Variants in NTM observed in about 807,000 individuals in gnomAD.
NTM encodes the protein neurotrimin.
A neutral mutation model predicts 42.1 loss-of-function variants in NTM; 13 were observed. The observed-to-expected ratio is 0.31, with a 90% CI of 0.20 to 0.49. The LOEUF (loss-of-function observed/expected upper bound fraction) is 0.49, where lower values mean the gene tolerates loss of function less well. NTM is among the 20% of genes least tolerant of loss of function. The pLI, the probability that NTM is intolerant of heterozygous loss-of-function variation, is 0.99. For synonymous variants in NTM, 187 were observed against 179.2 expected (o/e 1.04, Z -0.35); for missense variants, 373 against 452.8 (o/e 0.82, Z 1.60).
chr11:131,394,184 G>T (rs1944315137), intron 1 of NTM, among the ~76,000 whole-genome samples: 1 of 152,194 alleles, frequency 6.6e-6, no homozygotes, highest in Non-Finnish European at 1.5e-5. Context: ...ACATCGTCCA[G>T]AAGTGTCCAT....
intron 1 of NTM, among the ~76,000 whole-genome samples, chr11:131,673,543 A>G (rs1180829018): frequency 1.3e-5 from 2 of 152,138 alleles, no homozygotes; most frequent in African/African-American, 4.8e-5. Context: ...CTCTGGACAA[A>G]GCTTGCATTT....
intron 1 of NTM, among the ~76,000 whole-genome samples, chr11:131,512,570 C>A (rs902263126): frequency 5.9e-5 from 9 of 152,228 alleles, no homozygotes; most frequent in African/African-American, 2.2e-4. Flanking sequence ...TCCCTCTCTA[C>A]TGCCCTCAGT....
chr11:131,433,149 G>A (rs951165850), intron 1 of NTM, among the ~76,000 whole-genome samples: 7 of 152,026 alleles, frequency 4.6e-5, no homozygotes, highest in African/African-American at 1.7e-4. Context: ...GAGCCACTGC[G>A]CCCAGCCTAG....
At chr11:131,792,156 A>C (rs1288404233) in intron 1 of NTM, among the ~76,000 whole-genome samples, 4 of 152,208 alleles carry the variant, frequency 2.6e-5, no homozygotes, top group Non-Finnish European at 4.4e-5. Context: ...AACCATACCC[A>C]GCATATCCTA....
chr11:131,722,411 A>G (rs922211364), intron 1 of NTM, among the ~76,000 whole-genome samples: 3 of 152,198 alleles, frequency 2.0e-5, no homozygotes, highest in African/African-American at 7.2e-5. Flanking sequence ...GACTGCTTTC[A>G]TATGAACTCG....
intron 4 of NTM, 40 bp downstream of exon 4, chr11:132,212,187 TG>T (rs763126430): frequency 1.9e-6 from 3 of 1,583,760 alleles, no homozygotes; most frequent in Non-Finnish European, 2.6e-6. Context: ...TGAGGATAAA[TG>T]GGGGAATTTT....
At chr11:132,041,642 T>C (rs11222882) in intron 2 of NTM, among the ~76,000 whole-genome samples, 9,733 of 152,306 alleles carry the variant, frequency 0.064, 369 homozygotes, top group South Asian at 0.17. Flanking sequence ...TTCTTCTCTC[T>C]CCACGGTAAA....
rs572595699 is a variant in NTM, at chr11:131,678,695, G to T, written c.83-232869G>T. On this transcript the variant is annotated intron_variant, in intron 1 of 8. Transcript: ENST00000683400. ...TCTCCCATCTCTTTCTTTGGCAAGA[G>T]CTCTTGGAGCTCCTGTTTCTTTTCC... Among the ~76,000 whole-genome samples, 7 of 152,292 alleles carry T rather than the reference G, an allele frequency of 4.6e-5. No individual in the cohort carries two copies. In the South Asian group the frequency reaches 1.0e-3, roughly 23 times the overall value.
intron 2 of NTM, among the ~76,000 whole-genome samples, chr11:131,975,061 T>C (rs2064109303): frequency 6.6e-6 from 1 of 152,212 alleles, no homozygotes; most frequent in Non-Finnish European, 1.5e-5. Flanking sequence ...GACAATGCAA[T>C]CTGACCTATC....
At chr11:132,072,401 G>C (rs1050050395) in intron 2 of NTM, among the ~76,000 whole-genome samples, 1 of 152,124 alleles carries the variant, frequency 6.6e-6, no homozygotes, top group African/African-American at 2.4e-5. Flanking sequence ...GAACAATAAG[G>C]GTTCTCAAAC....
intron 8 of NTM, among the ~76,000 whole-genome samples, chr11:132,330,580 A>G (rs192264864): frequency 9.8e-4 from 149 of 152,100 alleles, no homozygotes; most frequent in African/African-American, 3.5e-3. Context: ...TATCTCTCTA[A>G]CTTGGAGCTG....
chr11:131,681,638 TGTG>T (rs554615049), intron 1 of NTM, among the ~76,000 whole-genome samples: 5 of 67,274 alleles, frequency 7.4e-5, no homozygotes, highest in African/African-American at 1.5e-4. Context: ...TGTGTGAGCG[TGTG>T]TGTTTCTGTG....
intron 2 of NTM, among the ~76,000 whole-genome samples, chr11:131,959,859 C>T (rs525721): frequency 0.71 from 108,669 of 152,146 alleles, 39,122 homozygotes; most frequent in East Asian, 0.95. Context: ...AGAAATGCCA[C>T]AGACAATCAT....
chr11:132,230,907 G>A (rs369827277), intron 4 of NTM, among the ~76,000 whole-genome samples: 16 of 152,286 alleles, frequency 1.1e-4, no homozygotes, highest in South Asian at 4.1e-4. Context: ...ACCTGCAGTC[G>A]CAGCTGAGGC....
chr11:131,952,032 ACATTCTCTTTTAT>A (rs1222653004), intron 2 of NTM, among the ~76,000 whole-genome samples: 1 of 152,038 alleles, frequency 6.6e-6, no homozygotes, highest in Non-Finnish European at 1.5e-5. Flanking sequence ...GTCTGATAAT[ACATTCTCTTTTAT>A]CACACTTTTT....
chr11:132,081,567 C>T (rs2059052824), intron 2 of NTM, among the ~76,000 whole-genome samples: 2 of 151,982 alleles, frequency 1.3e-5, no homozygotes, highest in African/African-American at 4.8e-5. Context: ...CCCGTCTCTA[C>T]TAAAAATACA....
chr11:132,108,903 G>A (rs944484391), intron 2 of NTM, among the ~76,000 whole-genome samples: 1 of 152,038 alleles, frequency 6.6e-6, no homozygotes, highest in Non-Finnish European at 1.5e-5. Context: ...CCCTCCTTGT[G>A]TCCATGTGTT....
intron 1 of NTM, chr11:131,910,854 A>C: frequency 1.0e-6 from 1 of 984,984 alleles, no homozygotes. Flanking sequence ...GAGGAAGTTG[A>C]CCGAGGCGGC....
chr11:131,646,924 G>A (rs550460981), intron 1 of NTM, among the ~76,000 whole-genome samples: 31 of 152,316 alleles, frequency 2.0e-4, no homozygotes, highest in Admixed American at 5.2e-4. Context: ...ACACTATAAA[G>A]TGCTTGCTAA....
Sources: allele counts gnomAD v4.1 joint callset (sites outside exome capture counted in the v4.1 genomes callset), GRCh38; gene constraint gnomAD v4.1.1; transcripts MANE v1.5; gene names NCBI Gene and HGNC (gene_info 2026-07-23, HGNC 2026-07-21).